The following POP1 variants were observed in gnomAD, a reference collection of about 807,000 sequenced individuals.
POP1 encodes the protein POP1 ribonuclease P/MRP subunit.
In POP1, 75 loss-of-function variants were observed where a neutral mutation model predicts 102.2. The observed-to-expected ratio is 0.73, with a 90% CI of 0.61 to 0.89. The LOEUF (loss-of-function observed/expected upper bound fraction) is 0.89, where lower values mean the gene tolerates loss of function less well. POP1 is among the 40% of genes least tolerant of loss of function. The pLI, the probability that POP1 is intolerant of heterozygous loss-of-function variation, is 0.00. For synonymous variants in POP1, 436 were observed against 464.1 expected (o/e 0.94, Z 0.78); for missense variants, 1,116 against 1,267.4 (o/e 0.88, Z 1.81).
chr8:98,152,924 C>T (rs1456594498), intron 14 of POP1, among the ~76,000 whole-genome samples: 1 of 152,184 alleles, frequency 6.6e-6, no homozygotes, highest in Non-Finnish European at 1.5e-5. Context: ...GGTGGGGTGA[C>T]AGCAGGGACA....
At chr8:98,137,390 C>T (rs966764448) in intron 9 of POP1, among the ~76,000 whole-genome samples, 1 of 152,060 alleles carries the variant, frequency 6.6e-6, no homozygotes, top group Admixed American at 6.5e-5. Flanking sequence ...GCACCCTCTG[C>T]CTCCTGGGTT....
At chr8:98,128,246 C>G in intron 3 of POP1, 119 bp from the exon 4 acceptor site, 1 of 917,992 alleles carries the variant, frequency 1.1e-6, no homozygotes, top group Non-Finnish European at 1.7e-6. Context: ...GATATGCTTT[C>G]TGGTCTCTCT....
At position 98,136,676 on chromosome 8, in the gene POP1, T is replaced by A. The variant is rs754499867; in HGVS notation, c.1206T>A (p.Asp402Glu). ...AACCAATTAAAAAAATTATCGGTGA[T>A]GGAACTAGAGATCCATGTCTACCAT... Reference protein sequence around the residue: ...NAKPIKKIIGDGTRDPCLPYS... With the variant: ...NAKPIKKIIGEGTRDPCLPYS... Residue 402 changes from aspartate to glutamate, a missense_variant, in exon 8 of 16, where the codon GAT (aspartate) becomes GAA (glutamate). By Grantham distance (45) the Asp-to-Glu change is conservative. Transcript: ENST00000401707. 5 of 1,613,110 alleles carry A rather than the reference T, an allele frequency of 3.1e-6. No homozygotes were observed. Among genetic ancestry groups the A allele is most frequent in the Non-Finnish European group, 4.2e-6 (5 of 1,179,078 alleles).
At chr8:98,117,782 A>C (rs1815885992) in intron 1 of POP1, 1 of 152,410 alleles carries the variant, frequency 6.6e-6, no homozygotes, top group South Asian at 2.0e-4. Context: ...CGGGCTTTAC[A>C]AGGTCACTGT....
At chr8:98,119,484 G>A (rs898813105) in intron 1 of POP1, among the ~76,000 whole-genome samples, 3 of 152,112 alleles carry the variant, frequency 2.0e-5, no homozygotes, top group Admixed American at 6.5e-5. Context: ...AAGATTTGGC[G>A]AAAATATTTT....
intron 1 of POP1, among the ~76,000 whole-genome samples, chr8:98,118,092 A>G (rs1367463818): frequency 1.3e-5 from 2 of 152,104 alleles, no homozygotes; most frequent in African/African-American, 4.8e-5. Context: ...ATAATACAAG[A>G]AAATCTGCTT....
At position 98,146,684 on chromosome 8, in the gene POP1, G is replaced by T; in HGVS notation, c.1710+1G>T. On this transcript the variant is annotated splice_donor_variant, in intron 12 of 15. Transcript: ENST00000401707. LOFTEE classifies it high-confidence loss of function. Reference sequence around the variant, plus strand: ...CACAGAGAATAAAATCTCGGATCAGGTAACTAATAGTGTAAGGGTTATTGG... The same window carrying T: ...CACAGAGAATAAAATCTCGGATCAGTTAACTAATAGTGTAAGGGTTATTGG... 1 of 1,581,282 alleles carries T rather than the reference G, an allele frequency of 6.3e-7. No homozygotes were observed. Among genetic ancestry groups the T allele is most frequent in the Non-Finnish European group, 8.7e-7 (1 of 1,150,194 alleles).
At chr8:98,119,033 A>G (rs1339139660) in intron 1 of POP1, among the ~76,000 whole-genome samples, 2 of 152,158 alleles carry the variant, frequency 1.3e-5, no homozygotes, top group African/African-American at 2.4e-5. Context: ...TAAGTCATGT[A>G]GAATAGTGCC....
chr8:98,117,852 G>C (rs1815888679), intron 1 of POP1: 1 of 152,300 alleles, frequency 6.6e-6, no homozygotes, highest in African/African-American at 2.4e-5. Context: ...GATCTGGAAT[G>C]GCCCAGATCC....
intron 1 of POP1, among the ~76,000 whole-genome samples, chr8:98,118,881 A>G (rs1463410469): frequency 2.6e-5 from 4 of 152,114 alleles, no homozygotes; most frequent in East Asian, 3.9e-4. Context: ...TAGTGGATAG[A>G]GTCAGACTGC....
At chr8:98,140,929 G>A (rs960483039) in intron 11 of POP1, 41 bp downstream of exon 11, 5 of 1,604,914 alleles carry the variant, frequency 3.1e-6, no homozygotes, top group African/African-American at 1.3e-5. Flanking sequence ...TTACTATTTC[G>A]AGCAGTCCAG....
At position 98,129,486 on chromosome 8, in the gene POP1, TC is replaced by T. The variant is rs1205202036; in HGVS notation, c.487-489del. ...TTCTAGATTTAATATAAAATCTGTT[TC>T]CCAGTGATAGCATTCAGCATGTGTA... On this transcript the variant is annotated intron_variant, in intron 4 of 15. Transcript: ENST00000401707. 2.0e-5 allele frequency among the ~76,000 whole-genome samples: 3 copies of T among 152,268 alleles called. No individual in the cohort carries two copies. The East Asian group carries it at 5.8e-4, about 29-fold the overall frequency.
chr8:98,154,274 A>G (rs1809591608), intron 14 of POP1, among the ~76,000 whole-genome samples: 1 of 152,120 alleles, frequency 6.6e-6, no homozygotes. Flanking sequence ...GTCATTGGAG[A>G]GTTGGCTGCG....
chr8:98,135,353 A>T (rs1374316477), intron 7 of POP1, among the ~76,000 whole-genome samples: 4 of 152,128 alleles, frequency 2.6e-5, no homozygotes, highest in Non-Finnish European at 5.9e-5. Flanking sequence ...AACCAGCCTT[A>T]TGCTAATTAT....
rs754701508 is a variant in POP1 at position 98,156,034 on chromosome 8, G to A, written c.2058-16G>A. 7.4e-6 allele frequency: 12 copies of A among 1,611,814 alleles called. No homozygotes were observed. The highest frequency in any genetic ancestry group is 3.3e-5 in the South Asian group (3 of 90,988). ...TAAATTGTTCAACATTGGTTCTCCT[G>A]TATGTTTTTCTTTAGACGCCCTCCT... On this transcript the variant is annotated splice_polypyrimidine_tract_variant and intron_variant, in intron 14 of 15. Transcript: ENST00000401707.
intron 9 of POP1, among the ~76,000 whole-genome samples, chr8:98,138,847 CTTTTTTT>C (rs369408285): frequency 4.6e-5 from 6 of 130,854 alleles, no homozygotes; most frequent in South Asian, 2.5e-4. Context: ...GTTATGATTG[CTTTTTTT>C]TTTTTTTTTT....
chr8:98,134,122 A>G, intron 6 of POP1, 86 bp downstream of exon 6: 1 of 1,014,726 alleles, frequency 9.9e-7, no homozygotes. Context: ...AGCATTTTGG[A>G]ATTCAAACAT....
At chr8:98,140,336 C>T (rs1344968086) in intron 10 of POP1, 147 bp downstream of exon 10, 3 of 707,532 alleles carry the variant, frequency 4.2e-6, no homozygotes, top group Non-Finnish European at 7.7e-6. Context: ...GGACTGAACT[C>T]AGTGAATAAA....
chr8:98,149,121 A>G (rs1809446705), intron 13 of POP1, 115 bp downstream of exon 13: 1 of 1,010,268 alleles, frequency 9.9e-7, no homozygotes, highest in South Asian at 1.4e-5. Flanking sequence ...TGAGTGGTGT[A>G]TTTCTGCCCT....
Sources: allele counts gnomAD v4.1 joint callset (sites outside exome capture counted in the v4.1 genomes callset), GRCh38; gene constraint gnomAD v4.1.1; transcripts MANE v1.5; gene names NCBI Gene and HGNC (gene_info 2026-07-23, HGNC 2026-07-21).